Variants in CNTN4 observed in about 807,000 individuals in gnomAD.
CNTN4 encodes contactin 4, also known as contactin-4.
In CNTN4, 77 loss-of-function variants were observed where a neutral mutation model predicts 122.5. The observed-to-expected ratio is 0.63, with a 90% CI of 0.52 to 0.76. The LOEUF (loss-of-function observed/expected upper bound fraction) is 0.76. Ranked by LOEUF, CNTN4 falls within the 30% of genes least tolerant of loss-of-function variation. The pLI, the probability that CNTN4 is intolerant of heterozygous loss-of-function variation, is 0.00. For missense variants in CNTN4, 1,256 were observed against 1,259.1 expected (o/e 1.00, Z 0.04); for synonymous variants, 512 against 447.0 (o/e 1.15, Z -1.83).
intron 3 of CNTN4, among the ~76,000 whole-genome samples, chr3:2,507,612 G>A (rs972726245): frequency 2.0e-5 from 3 of 151,718 alleles, no homozygotes; most frequent in East Asian, 2.0e-4. Context: ...GCAGGCGCCT[G>A]TAATCCCAGC....
At chr3:2,441,836 C>G (rs764613295) in intron 3 of CNTN4, among the ~76,000 whole-genome samples, 6 of 152,064 alleles carry the variant, frequency 3.9e-5, no homozygotes, top group Non-Finnish European at 8.8e-5. Context: ...AATGTTGGAT[C>G]TAAGTTTAAA....
intron 6 of CNTN4, among the ~76,000 whole-genome samples, chr3:2,781,707 T>A (rs966355191): frequency 2.1e-5 from 3 of 144,702 alleles, no homozygotes; most frequent in African/African-American, 7.8e-5. Context: ...GCTTCCAGGC[T>A]TTGGGTAAAT....
At chr3:2,414,343 A>C (rs2047336693) in intron 3 of CNTN4, among the ~76,000 whole-genome samples, 1 of 152,216 alleles carries the variant, frequency 6.6e-6, no homozygotes, top group Admixed American at 6.5e-5. Flanking sequence ...ATCCCACATA[A>C]AAATTTCTCA....
At chr3:2,762,445 A>AT (rs1204019531) in intron 6 of CNTN4, among the ~76,000 whole-genome samples, 1 of 152,122 alleles carries the variant, frequency 6.6e-6, no homozygotes, top group Non-Finnish European at 1.5e-5. Context: ...GCTTCCACTT[A>AT]TAAGTAAGAA....
intron 4 of CNTN4, among the ~76,000 whole-genome samples, chr3:2,611,011 T>C (rs1009754742): frequency 6.6e-6 from 1 of 152,094 alleles, no homozygotes; most frequent in African/African-American, 2.4e-5. Flanking sequence ...CGATACATCT[T>C]ATAACAATAC....
Position 2,758,550 on chromosome 3 carries a change from CTCTG to C in CNTN4, c.358+12858_358+12861del, listed in dbSNP as rs2090444776. 2.8e-5 allele frequency among the ~76,000 whole-genome samples: 4 copies of C among 142,336 alleles called. No homozygotes were observed. The South Asian group carries it at 9.0e-4, about 32-fold the overall frequency. 93.4% of individuals were successfully genotyped at this position (142,336 alleles called of 152,430 possible). On this transcript the variant is annotated intron_variant, in intron 6 of 24. Coordinates refer to ENST00000418658, the MANE Select transcript of CNTN4 (RefSeq NM_175607.3). ...TTTTTTTTTTTGAGACGGAGTCTCC[CTCTG>C]TCTGCTGGCGTGCAGTGGCGGGATC...
intron 4 of CNTN4, among the ~76,000 whole-genome samples, chr3:2,670,578 A>G (rs1050554523): frequency 6.6e-6 from 1 of 152,204 alleles, no homozygotes; most frequent in African/African-American, 2.4e-5. Context: ...TAATTGGAGC[A>G]TTTAGCCCAT....
At chr3:2,331,763 C>G (rs2043732828) in intron 2 of CNTN4, among the ~76,000 whole-genome samples, 1 of 152,120 alleles carries the variant, frequency 6.6e-6, no homozygotes, top group Non-Finnish European at 1.5e-5. Flanking sequence ...GCTCAAGACC[C>G]CGAGTTTTGG....
intron 3 of CNTN4, among the ~76,000 whole-genome samples, chr3:2,458,242 A>G (rs2049073162): frequency 6.6e-6 from 1 of 152,206 alleles, no homozygotes; most frequent in South Asian, 2.1e-4. Context: ...TAAACCAAAT[A>G]GTAAAGTTAC....
At chr3:2,747,644 G>A (rs996931415) in intron 6 of CNTN4, among the ~76,000 whole-genome samples, 1 of 151,952 alleles carries the variant, frequency 6.6e-6, no homozygotes, top group Non-Finnish European at 1.5e-5. Flanking sequence ...CAAACAAAAA[G>A]CTCTACCACT....
intron 7 of CNTN4, among the ~76,000 whole-genome samples, chr3:2,849,022 T>A (rs2093502288): frequency 6.6e-6 from 1 of 152,192 alleles, no homozygotes; most frequent in Non-Finnish European, 1.5e-5. Context: ...ACAAATGATG[T>A]CTACTTGTCA....
intron 8 of CNTN4, among the ~76,000 whole-genome samples, chr3:2,881,077 T>C (rs576801819): frequency 2.6e-5 from 4 of 152,314 alleles, no homozygotes; most frequent in African/African-American, 9.6e-5. Context: ...AGAACTATTA[T>C]GTTCGAGTTT....
rs534454992 is a variant in CNTN4, at chr3:2,741,055, T to C, written c.183-4467T>C. Among the ~76,000 whole-genome samples, 16 of 152,344 alleles carry C rather than the reference T, an allele frequency of 1.1e-4. No homozygotes were observed. The East Asian group carries it at 1.9e-3, about 18-fold the overall frequency. ...CAGCTCTACTTTGAACTAGCCCATA[T>C]ATTAGGATTCTGAAAAATACGTCAT... On this transcript the variant is annotated intron_variant, in intron 5 of 24. Coordinates refer to ENST00000418658, the MANE Select transcript of CNTN4 (RefSeq NM_175607.3).
intron 10 of CNTN4, among the ~76,000 whole-genome samples, chr3:2,895,500 G>A (rs2094097675): frequency 6.6e-6 from 1 of 152,090 alleles, no homozygotes. Context: ...CATATAGTTG[G>A]TTTTTATATC....
intron 12 of CNTN4, among the ~76,000 whole-genome samples, chr3:2,917,583 A>G (rs556739544): frequency 6.6e-6 from 1 of 152,318 alleles, no homozygotes; most frequent in South Asian, 2.1e-4. Context: ...TTGTGAAATC[A>G]TAGATCTCTT....
intron 2 of CNTN4, among the ~76,000 whole-genome samples, chr3:2,225,687 C>G (rs953641281): frequency 6.6e-6 from 1 of 152,160 alleles, no homozygotes; most frequent in Non-Finnish European, 1.5e-5. Flanking sequence ...TAAACTTATT[C>G]TTTACTGTGC....
At chr3:2,795,638 A>G (rs922046958) in intron 6 of CNTN4, among the ~76,000 whole-genome samples, 2 of 150,968 alleles carry the variant, frequency 1.3e-5, no homozygotes, top group Admixed American at 6.6e-5. Flanking sequence ...CTCCTGCCTC[A>G]GCCTCCTGAG....
At chr3:2,465,323 C>T (rs77097161) in intron 3 of CNTN4, among the ~76,000 whole-genome samples, 2,611 of 152,176 alleles carry the variant, frequency 0.017, 92 homozygotes, top group African/African-American at 0.059. Context: ...TCTTTTAAAA[C>T]TTTTAAATTT....
chr3:2,129,811 G>GTA (rs2034365787), intron 2 of CNTN4, among the ~76,000 whole-genome samples: 1 of 151,584 alleles, frequency 6.6e-6, no homozygotes, highest in Non-Finnish European at 1.5e-5. Flanking sequence ...AAAATACATA[G>GTA]TATATATATA....
Sources: allele counts gnomAD v4.1 joint callset (sites outside exome capture counted in the v4.1 genomes callset), GRCh38; gene constraint gnomAD v4.1.1; transcripts MANE v1.5; gene names NCBI Gene and HGNC (gene_info 2026-07-23, HGNC 2026-07-21).